Variants in CSMD3 observed in about 807,000 individuals in gnomAD.
The protein encoded by CSMD3 is CUB and Sushi multiple domains 3.
Under a neutral mutation model 435.2 loss-of-function variants are expected in CSMD3, and 177 were observed. The observed-to-expected ratio is 0.41, with a 90% CI of 0.36 to 0.46. CSMD3 has a LOEUF of 0.46. Ranked by LOEUF, CSMD3 falls within the 20% of genes least tolerant of loss-of-function variation. The pLI is 0.34. For synonymous variants in CSMD3, 1,656 were observed against 1,520.5 expected (o/e 1.09, Z -2.07); for missense variants, 4,265 against 4,504.6 (o/e 0.95, Z 1.52).
At chr8:112,233,210 TACCTAAGTC>T (rs1236137639) in intron 68 of CSMD3, among the ~76,000 whole-genome samples, 2 of 152,210 alleles carry the variant, frequency 1.3e-5, no homozygotes, top group Admixed American at 1.3e-4. Context: ...GGCAATTAGT[TACCTAAGTC>T]ATGAACATTA....
Position 112,352,566 on chromosome 8 carries a change from A to G in CSMD3, c.6137-32T>C, listed in dbSNP as rs372909412. On this transcript the variant is annotated intron_variant, in intron 38 of 70. Transcript: ENST00000297405. ...ATATTTAATGATAACAATTTAAGTA[A>G]CTTTCAAGTGATAAATGCTTAAGTT... The G allele has an allele frequency of 3.2e-6, 5 of 1,568,746 alleles. No homozygotes were observed. In the African/African-American group the frequency reaches 5.4e-5, roughly 17 times the overall value.
intron 10 of CSMD3, among the ~76,000 whole-genome samples, chr8:112,898,037 A>T (rs1186174497): frequency 6.6e-6 from 1 of 151,174 alleles, no homozygotes; most frequent in African/African-American, 2.4e-5. Context: ...ATTATTTGTT[A>T]TACGTATAGA....
At chr8:113,320,536 C>T (rs1433106254) in intron 1 of CSMD3, among the ~76,000 whole-genome samples, 3 of 152,104 alleles carry the variant, frequency 2.0e-5, no homozygotes, top group African/African-American at 7.2e-5. Context: ...GCCATCTTCA[C>T]AAAACACTGC....
At chr8:113,037,001 T>C (rs2087382899) in intron 5 of CSMD3, among the ~76,000 whole-genome samples, 3 of 152,108 alleles carry the variant, frequency 2.0e-5, no homozygotes, top group South Asian at 2.1e-4. Flanking sequence ...ATGGACTGCA[T>C]ACAGTTTCAG....
At chr8:113,249,092 A>C (rs1415999558) in intron 3 of CSMD3, among the ~76,000 whole-genome samples, 1 of 152,052 alleles carries the variant, frequency 6.6e-6, no homozygotes, top group Non-Finnish European at 1.5e-5. Flanking sequence ...TAAGTCTCAC[A>C]AGATCTAATG....
chr8:113,325,683 T>C (rs941167999), intron 1 of CSMD3, among the ~76,000 whole-genome samples: 5 of 152,194 alleles, frequency 3.3e-5, no homozygotes, highest in Admixed American at 1.3e-4. Context: ...AAGAGTTCTA[T>C]ATGCAGTCAT....
chr8:112,495,922 G>GTA (rs945405260), intron 30 of CSMD3, among the ~76,000 whole-genome samples: 144 of 150,332 alleles, frequency 9.6e-4, no homozygotes, highest in Middle Eastern at 7.0e-3. Context: ...AGATGTATAT[G>GTA]TATATATATA....
At chr8:112,576,891 T>A (rs1000093183) in intron 23 of CSMD3, among the ~76,000 whole-genome samples, 1 of 146,156 alleles carries the variant, frequency 6.8e-6, no homozygotes, top group South Asian at 2.2e-4. Flanking sequence ...ATTAAAAAAA[T>A]AATCATTTAA....
intron 4 of CSMD3, 59 bp from the exon 5 acceptor site, chr8:113,099,022 T>C (rs2090251162): frequency 1.9e-6 from 2 of 1,071,998 alleles, no homozygotes; most frequent in Non-Finnish European, 2.9e-6. Flanking sequence ...AATTGTTCAG[T>C]TGTAAGTAAA....
intron 4 of CSMD3, among the ~76,000 whole-genome samples, chr8:113,154,250 G>A (rs185349498): frequency 6.6e-6 from 1 of 152,016 alleles, no homozygotes; most frequent in Admixed American, 6.6e-5. Context: ...TTTTTAGTGG[G>A]TGATTATTTA....
intron 38 of CSMD3, among the ~76,000 whole-genome samples, chr8:112,372,424 G>T (rs1828487314): frequency 1.3e-5 from 2 of 152,128 alleles, no homozygotes; most frequent in Non-Finnish European, 2.9e-5. Context: ...TGTAGAAAGG[G>T]TTGAGTGGAA....
intron 4 of CSMD3, among the ~76,000 whole-genome samples, chr8:113,163,911 T>A (rs2092097332): frequency 6.6e-6 from 1 of 152,014 alleles, no homozygotes; most frequent in Non-Finnish European, 1.5e-5. Flanking sequence ...AGAAGCTAAT[T>A]TTCCTCTCAT....
intron 38 of CSMD3, among the ~76,000 whole-genome samples, chr8:112,357,405 A>G (rs1375016603): frequency 6.6e-6 from 1 of 152,204 alleles, no homozygotes; most frequent in Non-Finnish European, 1.5e-5. Flanking sequence ...TAAAAGTTTG[A>G]AAAATGTGCA....
intron 4 of CSMD3, among the ~76,000 whole-genome samples, chr8:113,156,934 A>AAGAGAGAGAGAGAG: frequency 6.8e-6 from 1 of 147,862 alleles, no homozygotes; most frequent in South Asian, 2.1e-4. Context: ...TTTGTCTCAA[A>AAGAGAGAGAGAGAG]AGAGAGAGAG....
intron 23 of CSMD3, among the ~76,000 whole-genome samples, chr8:112,583,796 G>C (rs1319778011): frequency 6.6e-6 from 1 of 151,856 alleles, no homozygotes; most frequent in Non-Finnish European, 1.5e-5. Context: ...AAATTGAAAA[G>C]AAAAGATACA....
intron 61 of CSMD3, among the ~76,000 whole-genome samples, chr8:112,260,644 A>AC (rs950550855): frequency 3.9e-5 from 6 of 152,028 alleles, no homozygotes; most frequent in Admixed American, 3.3e-4. Flanking sequence ...AACCTACTTG[A>AC]CCCTATCTGT....
chr8:112,536,230 C>T (rs1031677416), intron 27 of CSMD3, among the ~76,000 whole-genome samples: 5 of 150,058 alleles, frequency 3.3e-5, no homozygotes, highest in African/African-American at 1.2e-4. Context: ...TCAGAGTGAA[C>T]AGGCAACCTA....
intron 3 of CSMD3, among the ~76,000 whole-genome samples, chr8:113,265,624 A>G (rs2132382624): frequency 6.6e-6 from 1 of 151,732 alleles, no homozygotes; most frequent in South Asian, 2.1e-4. Context: ...AAATTAATAA[A>G]TTATTGTTTA....
intron 1 of CSMD3, among the ~76,000 whole-genome samples, chr8:113,404,671 C>T (rs570070831): frequency 1.3e-5 from 2 of 151,422 alleles, no homozygotes; most frequent in African/African-American, 4.8e-5. Flanking sequence ...CCTGCTCCTA[C>T]AAATGTGTGC....
Sources: gnomAD v4.1 joint callset for allele counts (sites outside exome capture counted in the v4.1 genomes callset) on GRCh38, gnomAD v4.1.1 for gene constraint, MANE v1.5 for transcripts, NCBI Gene and HGNC (gene_info 2026-07-23, HGNC 2026-07-21) for gene names.